Variants in MEF2A observed in about 807,000 individuals in gnomAD.
MEF2A encodes myocyte-specific enhancer factor 2A.
MEF2A carries 28 observed loss-of-function variants against 55.8 expected under a neutral mutation model. The ratio of observed to expected loss-of-function variants is 0.50; its 90% CI spans 0.37 to 0.69. MEF2A has a LOEUF of 0.69. MEF2A is among the 30% of genes least tolerant of loss of function. The pLI, the probability that MEF2A is intolerant of heterozygous loss-of-function variation, is 0.00. For synonymous variants in MEF2A, 239 were observed against 227.1 expected (o/e 1.05, Z -0.47); for missense variants, 528 against 626.2 (o/e 0.84, Z 1.67).
chr15:99,612,199 AG>A (rs2039384809), intron 2 of MEF2A, among the ~76,000 whole-genome samples: 1 of 152,152 alleles, frequency 6.6e-6, no homozygotes, highest in Non-Finnish European at 1.5e-5. Flanking sequence ...GTGGATCATG[AG>A]GTCAGGAGAT....
intron 2 of MEF2A, among the ~76,000 whole-genome samples, chr15:99,602,657 T>TGTGG (rs1973570655): frequency 1.1e-5 from 1 of 90,012 alleles, no homozygotes; most frequent in Non-Finnish European, 2.2e-5. Flanking sequence ...TCCTGGGGTG[T>TGTGG]GTGTGTGTGT....
chr15:99,628,165 T>C (rs1421822290), intron 2 of MEF2A, among the ~76,000 whole-genome samples: 2 of 152,134 alleles, frequency 1.3e-5, no homozygotes, highest in Non-Finnish European at 2.9e-5. Flanking sequence ...AATTGAACTT[T>C]TATTGTTTTG....
intron 4 of MEF2A, among the ~76,000 whole-genome samples, chr15:99,660,102 A>G (rs1287543776): frequency 5.9e-5 from 9 of 152,188 alleles, no homozygotes; most frequent in Admixed American, 2.6e-4. Flanking sequence ...GAGAGTTGCA[A>G]AGATAATAAT....
intron 3 of MEF2A, among the ~76,000 whole-genome samples, chr15:99,636,117 G>A (rs1230004285): frequency 6.6e-6 from 1 of 152,084 alleles, no homozygotes; most frequent in Non-Finnish European, 1.5e-5. Flanking sequence ...GTAATTTAAT[G>A]TTAAGTTTCC....
At chr15:99,619,479 C>G (rs1378080186) in intron 2 of MEF2A, among the ~76,000 whole-genome samples, 1 of 152,100 alleles carries the variant, frequency 6.6e-6, no homozygotes, top group African/African-American at 2.4e-5. Context: ...ATAATAATGC[C>G]TGTCTTATAA....
chr15:99,643,411 T>A (rs2045375281), intron 3 of MEF2A, among the ~76,000 whole-genome samples: 1 of 152,202 alleles, frequency 6.6e-6, no homozygotes, highest in Non-Finnish European at 1.5e-5. Flanking sequence ...TATTTTGTTA[T>A]AATCTAATCT....
At chr15:99,691,025 TG>T (rs1461255343) in intron 8 of MEF2A, among the ~76,000 whole-genome samples, 1 of 151,690 alleles carries the variant, frequency 6.6e-6, no homozygotes, top group Non-Finnish European at 1.5e-5. Context: ...CACCCTGACC[TG>T]GATCATTACG....
At chr15:99,662,905 G>C (rs1410425667) in intron 4 of MEF2A, among the ~76,000 whole-genome samples, 2 of 152,270 alleles carry the variant, frequency 1.3e-5, no homozygotes, top group African/African-American at 4.8e-5. Context: ...AAGGTGGGTG[G>C]TCAAATTTTT....
intron 9 of MEF2A, among the ~76,000 whole-genome samples, chr15:99,705,792 C>G (rs918847290): frequency 1.3e-5 from 2 of 152,132 alleles, no homozygotes; most frequent in Non-Finnish European, 2.9e-5. Flanking sequence ...TGGCTCAGAC[C>G]CCCGAATGTC....
In MEF2A at chr15:99,674,463, A is replaced by T. The variant is rs374058145; in HGVS notation, c.461A>T (p.Tyr154Phe). 6.2e-7 allele frequency: 1 copy of T among 1,613,982 alleles called. No homozygotes were observed. Among genetic ancestry groups the T allele is most frequent in the South Asian group, 1.1e-5 (1 of 91,080 alleles). ...VPVTSPNALS[Y>F]TNPGSSLVSP... The stretch of plus-strand genomic sequence containing the variant: ...GTGACCAGCCCCAATGCTTTGTCCT[A>T]CACTAACCCAGGGAGTTCACTGGTG... Residue 154 changes from tyrosine to phenylalanine, a missense_variant, in exon 6 of 12, where the codon TAC becomes TTC. Tyr to Phe is a conservative substitution (Grantham distance 22, BLOSUM62 3). This residue lies in a region of MEF2A where 450 missense variants were observed against 475.3 expected (regional missense o/e 0.95). Transcript: ENST00000557942.
At chr15:99,683,070 G>C (rs184455382) in intron 7 of MEF2A, among the ~76,000 whole-genome samples, 13 of 152,218 alleles carry the variant, frequency 8.5e-5, no homozygotes, top group African/African-American at 2.6e-4. Flanking sequence ...CTGGCTTAGC[G>C]GTTACCTCTG....
At chr15:99,695,224 A>G (rs1349105836) in intron 8 of MEF2A, among the ~76,000 whole-genome samples, 1 of 152,170 alleles carries the variant, frequency 6.6e-6, no homozygotes, top group African/African-American at 2.4e-5. Context: ...TAGCACATGT[A>G]AAAATAAAAT....
In MEF2A at chr15:99,685,004, G is replaced by A. The variant is rs145133514; in HGVS notation, c.671-5237G>A. Among the ~76,000 whole-genome samples the A allele has an allele frequency of 2.6e-3, 395 of 152,252 alleles. 12 individuals carry two copies. In the East Asian group the frequency reaches 0.031, roughly 12 times the overall value. ...TTTGTTGAAGATCAGTTGGCTGTAA[G>A]TATTTGGCTTTACTTCTGGGTTTTC... On this transcript the variant is annotated intron_variant, in intron 7 of 11. Coordinates refer to ENST00000557942, the MANE Select transcript of MEF2A (RefSeq NM_001319206.4).
intron 1 of MEF2A, among the ~76,000 whole-genome samples, chr15:99,571,864 G>A (rs1962453228): frequency 6.6e-6 from 1 of 151,908 alleles, no homozygotes; most frequent in African/African-American, 2.4e-5. Flanking sequence ...CCATCCCCAC[G>A]TCCTGTTGCA....
At chr15:99,692,586 A>G (rs1359662144) in intron 8 of MEF2A, among the ~76,000 whole-genome samples, 4 of 152,192 alleles carry the variant, frequency 2.6e-5, no homozygotes, top group Admixed American at 2.0e-4. Flanking sequence ...GTACACTGAC[A>G]GAACTGTGTG....
chr15:99,669,584 T>A (rs2153618245), intron 4 of MEF2A, among the ~76,000 whole-genome samples: 1 of 152,352 alleles, frequency 6.6e-6, no homozygotes, highest in South Asian at 2.1e-4. Context: ...GAGAAAATGT[T>A]GGAGAAATAG....
At chr15:99,691,666 C>A (rs1433977557) in intron 8 of MEF2A, among the ~76,000 whole-genome samples, 1 of 151,986 alleles carries the variant, frequency 6.6e-6, no homozygotes, top group East Asian at 1.9e-4. Flanking sequence ...CCACTGCACT[C>A]CAGCCTGGGT....
chr15:99,593,158 C>T (rs1204356109), intron 1 of MEF2A, among the ~76,000 whole-genome samples: 1 of 152,140 alleles, frequency 6.6e-6, no homozygotes. Context: ...AGCACTTTCT[C>T]TCCTGAGTAC....
chr15:99,686,080 T>A (rs943387020), intron 7 of MEF2A, among the ~76,000 whole-genome samples: 6 of 152,128 alleles, frequency 3.9e-5, no homozygotes, highest in African/African-American at 1.4e-4. Flanking sequence ...CTCCTCTAGA[T>A]TTTCTAGTAT....
Sources: gnomAD v4.1 joint callset for allele counts (sites outside exome capture counted in the v4.1 genomes callset) on GRCh38, gnomAD v4.1.1 for gene constraint, gnomAD v4.1.1 regional missense constraint, MANE v1.5 for transcripts, NCBI Gene and HGNC (gene_info 2026-07-23, HGNC 2026-07-21) for gene names.